The following C2orf80 variants were observed in gnomAD, a reference collection of about 807,000 sequenced individuals.
C2orf80 encodes the protein uncharacterized protein C2orf80.
C2orf80 carries 28 observed loss-of-function variants against 30.2 expected under a neutral mutation model. The observed-to-expected ratio is 0.93, with a 90% CI of 0.69 to 1.27. The LOEUF (loss-of-function observed/expected upper bound fraction) is 1.27, where lower values mean the gene tolerates loss of function less well. Ranked by LOEUF, C2orf80 falls within the 50% of genes most tolerant of loss-of-function variation. The pLI is 0.00. For missense variants in C2orf80, 220 were observed against 231.0 expected (o/e 0.95, Z 0.31); for synonymous variants, 80 against 76.4 (o/e 1.05, Z -0.24).
chr2:208,180,602 A>C (rs1696525427), intron 6 of C2orf80, 143 bp downstream of exon 6: 1 of 632,044 alleles, frequency 1.6e-6, no homozygotes, highest in African/African-American at 1.9e-5. Flanking sequence ...TTCAAGTAAG[A>C]AATGGTTATG....
intron 4 of C2orf80, among the ~76,000 whole-genome samples, chr2:208,182,608 C>T (rs921632431): frequency 6.6e-6 from 1 of 152,138 alleles, no homozygotes; most frequent in Non-Finnish European, 1.5e-5. Flanking sequence ...ACCATATTGT[C>T]CAGGTTGGTC....
intron 8 of C2orf80, among the ~76,000 whole-genome samples, chr2:208,169,469 C>G (rs1301762174): frequency 6.6e-6 from 1 of 152,020 alleles, no homozygotes; most frequent in Non-Finnish European, 1.5e-5. Context: ...CAGTGGCTCA[C>G]GCCTGTAATC....
intron 6 of C2orf80, among the ~76,000 whole-genome samples, chr2:208,179,678 G>A (rs1319462800): frequency 1.3e-5 from 2 of 149,184 alleles, no homozygotes; most frequent in African/African-American, 4.9e-5. Flanking sequence ...AAATGGAAGT[G>A]GTCTTAAAAA....
At chr2:208,170,253 G>A (rs916483016) in intron 8 of C2orf80, among the ~76,000 whole-genome samples, 1 of 151,950 alleles carries the variant, frequency 6.6e-6, no homozygotes, top group African/African-American at 2.4e-5. Context: ...TTCTCTCCCC[G>A]CTCAGCTTTT....
intron 3 of C2orf80, among the ~76,000 whole-genome samples, chr2:208,184,373 G>A (rs1372716594): frequency 6.6e-6 from 1 of 152,208 alleles, no homozygotes. Context: ...TACTTTAGTC[G>A]GAGAAGAAGA....
At position 208,187,920 on chromosome 2, in the gene C2orf80, A is replaced by T. The variant is rs1176444692; in HGVS notation, c.-75-859T>A. ...GACTGACCTCCCCCATGCAAGAAGG[A>T]ATCTGCCAGTAGGCAGCCTTTGGAT... On this transcript the variant is annotated intron_variant, in intron 1 of 8. Transcript: ENST00000341287. Among the ~76,000 whole-genome samples, 5 of 152,246 alleles carry T rather than the reference A, an allele frequency of 3.3e-5. No individual in the cohort carries two copies. The East Asian group carries it at 7.7e-4, about 24-fold the overall frequency.
At chr2:208,167,599 C>G (rs1322738890) in intron 8 of C2orf80, among the ~76,000 whole-genome samples, 1 of 152,022 alleles carries the variant, frequency 6.6e-6, no homozygotes, top group Non-Finnish European at 1.5e-5. Flanking sequence ...TGTTCTGAGA[C>G]AGAGTCTCGC....
rs186043220 is a variant in C2orf80, at chr2:208,179,072, T to C, written c.366+1673A>G. On this transcript the variant is annotated intron_variant, in intron 6 of 8. Transcript: ENST00000341287. Reference sequence around the variant, plus strand: ...CTGCAAACGGCCTGCAAAAAAGTTTTTAAAAAGTTATCTTGTCTGACTTGC... The same window carrying C: ...CTGCAAACGGCCTGCAAAAAAGTTTCTAAAAAGTTATCTTGTCTGACTTGC... Among the ~76,000 whole-genome samples, 321 of 152,236 alleles carry C rather than the reference T, an allele frequency of 2.1e-3. 3 individuals are homozygous for C. Among genetic ancestry groups the C allele is most frequent in the African/African-American group, 7.5e-3 (312 of 41,528 alleles).
rs148858213 is a variant in C2orf80 at position 208,188,739 on chromosome 2, G to A, written c.-76+1214C>T. The stretch of plus-strand genomic sequence containing the variant: ...GCTGGGATTACAGGCGTGAGCCACC[G>A]TGCCCAGCCATTTTGGATCATTCTT... On this transcript the variant is annotated intron_variant, in intron 1 of 8. Transcript: ENST00000341287. Among the ~76,000 whole-genome samples, 357 of 152,294 alleles carry A rather than the reference G, an allele frequency of 2.3e-3. 1 individual carries two copies. Among genetic ancestry groups the A allele is most frequent in the African/African-American group, 6.1e-3 (254 of 41,564 alleles).
intron 6 of C2orf80, among the ~76,000 whole-genome samples, chr2:208,178,791 C>G (rs182019006): frequency 6.6e-6 from 1 of 152,076 alleles, no homozygotes. Flanking sequence ...AGTTTCTGCT[C>G]TTGTTGTCCA....
chr2:208,181,349 C>T, intron 4 of C2orf80, 44 bp from the exon 5 acceptor site: 14 of 1,264,598 alleles, frequency 1.1e-5, no homozygotes, highest in Non-Finnish European at 1.6e-5. Context: ...TATTCTTGTT[C>T]TTTTTGATGC....
In C2orf80 at chr2:208,182,014, AAATTGGATTTTC is replaced by A. The variant is rs564005390; in HGVS notation, c.207-721_207-710del. On this transcript the variant is annotated intron_variant, in intron 4 of 8. Transcript: ENST00000341287. ...CCAGCTTTTTTGCTTAAGGCTGTTC[AAATTGGATTTTC>A]AATTGGATTTTCAAATTGGTCATTA... Among the ~76,000 whole-genome samples, 1,266 of 152,282 alleles carry A rather than the reference AAATTGGATTTTC, an allele frequency of 8.3e-3. 13 individuals are homozygous for A. Among genetic ancestry groups the A allele is most frequent in the African/African-American group, 0.028 (1,183 of 41,538 alleles).
intron 3 of C2orf80, 110 bp downstream of exon 3, chr2:208,184,841 G>C: frequency 1.3e-6 from 1 of 762,454 alleles, no homozygotes; most frequent in Non-Finnish European, 2.1e-6. Context: ...GGACATTTGG[G>C]GGATGGGTGT....
intron 6 of C2orf80, among the ~76,000 whole-genome samples, chr2:208,177,493 A>T (rs1025193854): frequency 2.6e-5 from 4 of 152,144 alleles, no homozygotes; most frequent in Non-Finnish European, 4.4e-5. Flanking sequence ...GTGAGCCGAG[A>T]TTGCACCACT....
chr2:208,169,792 A>G (rs951734601), intron 8 of C2orf80, among the ~76,000 whole-genome samples: 11 of 152,222 alleles, frequency 7.2e-5, no homozygotes, highest in Non-Finnish European at 1.6e-4. Flanking sequence ...ATATGTTTGA[A>G]GGAAAATTGA....
chr2:208,170,726 A>G (rs1396275011), intron 8 of C2orf80, among the ~76,000 whole-genome samples: 1 of 152,210 alleles, frequency 6.6e-6, no homozygotes, highest in Non-Finnish European at 1.5e-5. Flanking sequence ...CAACAAGCTT[A>G]AGAGGTAGAT....
chr2:208,168,831 TTC>T, intron 8 of C2orf80, among the ~76,000 whole-genome samples: 1 of 137,816 alleles, frequency 7.3e-6, no homozygotes, highest in South Asian at 2.4e-4. Context: ...CATTTGTTCT[TTC>T]GACACTCCTG....
intron 3 of C2orf80, among the ~76,000 whole-genome samples, 157 bp downstream of exon 3, chr2:208,184,794 T>A (rs924526000): frequency 2.0e-5 from 3 of 152,304 alleles, no homozygotes; most frequent in Non-Finnish European, 4.4e-5. Context: ...GAAATGACCA[T>A]ATGAACAATC....
chr2:208,176,632 C>T lies in C2orf80; in HGVS notation c.366+4113G>A, dbSNP rs149144113. Among the ~76,000 whole-genome samples, 7 of 152,192 alleles carry T rather than the reference C, an allele frequency of 4.6e-5. No homozygotes were observed. The East Asian group carries it at 1.4e-3, about 29-fold the overall frequency. On this transcript the variant is annotated intron_variant, in intron 6 of 8. Coordinates refer to ENST00000341287, the MANE Select transcript of C2orf80 (RefSeq NM_001099334.3). ...GCTATTATTTGGAGGTTACCATGGG[C>T]CAAACACTAAGGGCTTCACTGATTC...
Sources: allele counts gnomAD v4.1 joint callset (sites outside exome capture counted in the v4.1 genomes callset), GRCh38; gene constraint gnomAD v4.1.1; transcripts MANE v1.5; gene names NCBI Gene and HGNC (gene_info 2026-07-23, HGNC 2026-07-21).